The following GSK3B variants were observed in gnomAD, a reference collection of about 807,000 sequenced individuals.
GSK3B encodes glycogen synthase kinase 3 beta.
A neutral mutation model predicts 56.4 loss-of-function variants in GSK3B; 15 were observed. The observed-to-expected ratio is 0.27, with a 90% confidence interval of 0.18 to 0.41. GSK3B has a LOEUF of 0.41. Among genes scored for constraint, GSK3B ranks in the 10% least tolerant of loss-of-function variants. The pLI is 1.00. For synonymous variants in GSK3B, 181 were observed against 188.9 expected (o/e 0.96, Z 0.34); for missense variants, 300 against 513.4 (o/e 0.58, Z 4.02).
At chr3:119,834,555 G>A (rs2055659119) in intron 10 of GSK3B, among the ~76,000 whole-genome samples, 1 of 152,166 alleles carries the variant, frequency 6.6e-6, no homozygotes. Flanking sequence ...TGTGAGCTCA[G>A]GGAAAGGGCA....
chr3:119,831,668 A>T, intron 10 of GSK3B, among the ~76,000 whole-genome samples: 1 of 152,158 alleles, frequency 6.6e-6, no homozygotes, highest in Non-Finnish European at 1.5e-5. Flanking sequence ...AAAAAAAAAA[A>T]AAATAAGAGA....
At chr3:119,966,518 TA>T (rs912226651) in intron 2 of GSK3B, among the ~76,000 whole-genome samples, 1 of 152,096 alleles carries the variant, frequency 6.6e-6, no homozygotes, top group African/African-American at 2.4e-5. Flanking sequence ...ATTAGGAAAA[TA>T]AGAAACCCTA....
intron 1 of GSK3B, among the ~76,000 whole-genome samples, chr3:120,004,854 A>G (rs1221298581): frequency 6.6e-6 from 1 of 152,172 alleles, no homozygotes; most frequent in Non-Finnish European, 1.5e-5. Flanking sequence ...TCCAAAAACC[A>G]TAACGCCTCT....
At chr3:119,857,067 A>T (rs986089033) in intron 9 of GSK3B, among the ~76,000 whole-genome samples, 1 of 152,210 alleles carries the variant, frequency 6.6e-6, no homozygotes, top group Admixed American at 6.5e-5. Context: ...ACCTTAATTT[A>T]AAAATACTTT....
chr3:119,876,584 T>A, intron 7 of GSK3B, 76 bp from the exon 8 acceptor site: 1 of 809,622 alleles, frequency 1.2e-6, no homozygotes, highest in South Asian at 1.5e-5. Flanking sequence ...AGGCATTGGA[T>A]TCACTGAAAA....
intron 1 of GSK3B, among the ~76,000 whole-genome samples, chr3:120,040,376 C>G (rs911156296): frequency 2.6e-5 from 4 of 152,086 alleles, no homozygotes; most frequent in African/African-American, 7.2e-5. Flanking sequence ...AATATTCCCG[C>G]GAGGGAAGTG....
chr3:120,029,559 G>T, intron 1 of GSK3B: 2 of 604,892 alleles, frequency 3.3e-6, no homozygotes, highest in South Asian at 1.5e-5. Context: ...TGGTGCATCT[G>T]GCACCATCAT....
chr3:119,930,033 G>A (rs1345483024), intron 3 of GSK3B, among the ~76,000 whole-genome samples: 2 of 149,938 alleles, frequency 1.3e-5, no homozygotes, highest in African/African-American at 2.5e-5. Flanking sequence ...GAGCCGTGAT[G>A]GCACCACTGC....
intron 1 of GSK3B, among the ~76,000 whole-genome samples, chr3:120,027,948 G>A (rs1274533740): frequency 2.0e-5 from 3 of 151,888 alleles, no homozygotes; most frequent in Admixed American, 6.5e-5. Flanking sequence ...CTGTCACTGG[G>A]TTCTAAAAAA....
chr3:120,026,512 TAC>T (rs61580328), intron 1 of GSK3B, among the ~76,000 whole-genome samples: 9,175 of 130,372 alleles, frequency 0.07, 414 homozygotes, highest in East Asian at 0.26. Flanking sequence ...TACCGCCAAA[TAC>T]ACACACACAC....
intron 3 of GSK3B, among the ~76,000 whole-genome samples, chr3:119,945,838 G>A (rs2057094718): frequency 6.6e-6 from 1 of 151,912 alleles, no homozygotes; most frequent in Admixed American, 6.6e-5. Flanking sequence ...TTACCCAGGA[G>A]TATCATGATG....
chr3:119,939,508 A>C (rs2057026952), intron 3 of GSK3B, among the ~76,000 whole-genome samples: 2 of 152,144 alleles, frequency 1.3e-5, no homozygotes, highest in Admixed American at 6.5e-5. Flanking sequence ...CCAGACAATA[A>C]ATTCTTAAGA....
At chr3:120,022,629 T>C (rs547509228) in intron 1 of GSK3B, among the ~76,000 whole-genome samples, 1 of 152,322 alleles carries the variant, frequency 6.6e-6, no homozygotes, top group Middle Eastern at 3.4e-3. Flanking sequence ...AACCTGGCAA[T>C]GCCATTCAAA....
At chr3:120,037,110 T>C (rs748954003) in intron 1 of GSK3B, among the ~76,000 whole-genome samples, 3 of 152,162 alleles carry the variant, frequency 2.0e-5, no homozygotes, top group African/African-American at 4.8e-5. Flanking sequence ...TACAGAAGTA[T>C]AGAAATACTC....
chr3:119,975,212 C>A (rs566101657), intron 2 of GSK3B, among the ~76,000 whole-genome samples: 1 of 152,072 alleles, frequency 6.6e-6, no homozygotes, highest in Non-Finnish European at 1.5e-5. Flanking sequence ...TTTGGAAGGC[C>A]GAGGCAGGTG....
chr3:119,867,333 T>C (rs1392996733), intron 8 of GSK3B, among the ~76,000 whole-genome samples: 3 of 152,324 alleles, frequency 2.0e-5, no homozygotes, highest in East Asian at 1.9e-4. Context: ...CATCAGGAAA[T>C]TGACATATCA....
intron 9 of GSK3B, among the ~76,000 whole-genome samples, chr3:119,861,818 T>C (rs1166713136): frequency 6.6e-6 from 1 of 152,166 alleles, no homozygotes; most frequent in Non-Finnish European, 1.5e-5. Context: ...TGCACAAGGA[T>C]GAAAATTGCC....
At chr3:119,917,667 T>C (rs2056795012) in intron 4 of GSK3B, among the ~76,000 whole-genome samples, 1 of 146,662 alleles carries the variant, frequency 6.8e-6, no homozygotes. Flanking sequence ...TTCTTTTTTT[T>C]TTTTAAAAAA....
At chr3:119,921,774 A>G (rs987406537) in intron 4 of GSK3B, among the ~76,000 whole-genome samples, 2 of 152,220 alleles carry the variant, frequency 1.3e-5, no homozygotes, top group African/African-American at 4.8e-5. Flanking sequence ...TAAACTGGGT[A>G]TCTAATGACA....
Sources: gnomAD v4.1 joint callset for allele counts (sites outside exome capture counted in the v4.1 genomes callset) on GRCh38, gnomAD v4.1.1 for gene constraint, MANE v1.5 for transcripts, NCBI Gene and HGNC (gene_info 2026-07-23, HGNC 2026-07-21) for gene names.